The following MYT1 variants were observed in gnomAD, a reference collection of about 807,000 sequenced individuals.
MYT1 encodes myelin transcription factor 1.
MYT1 carries 23 observed loss-of-function variants against 123.0 expected under a neutral mutation model. The ratio of observed to expected loss-of-function variants is 0.19; its 90% CI spans 0.13 to 0.26. The LOEUF (loss-of-function observed/expected upper bound fraction) is 0.26, where lower values mean the gene tolerates loss of function less well. Among genes scored for constraint, MYT1 ranks in the 10% least tolerant of loss-of-function variants. The probability of loss-of-function intolerance (pLI) is 1.00; values close to 1 mark genes in which losing one functional copy is unlikely to be tolerated. For synonymous variants in MYT1, 518 were observed against 575.3 expected, an observed-to-expected ratio of 0.90 and a Z score of 1.43; for missense variants, 1,125 against 1,472.5, an observed-to-expected ratio of 0.76 and a Z score of 3.86.
In MYT1 at chr20:64,192,289, T is replaced by A. The variant is rs1040804513; in HGVS notation, c.-1+2129T>A. 6.6e-6 allele frequency among the ~76,000 whole-genome samples: 1 copy of A among 152,152 alleles called. No individual in the cohort carries two copies. Among genetic ancestry groups the A allele is most frequent in the African/African-American group, 2.4e-5 (1 of 41,418 alleles). ...TGAATAGAGAAGCTAAGATGAAAAG[T>A]GTGCCAGAGAAGGCGAGAGGATGAG... On this transcript the variant is annotated intron_variant, in intron 2 of 22. Transcript: ENST00000328439. The surrounding 1 kb of genome is among the most constrained non-coding windows in gnomAD (Gnocchi z 5.3).
chr20:64,180,002 CACACACGCT>C (rs1407508737), intron 1 of MYT1, among the ~76,000 whole-genome samples: 1 of 150,314 alleles, frequency 6.7e-6, no homozygotes, highest in Non-Finnish European at 1.5e-5. Context: ...ACACATACGC[CACACACGCT>C]ACACACATGC....
At chr20:64,233,119 TC>T (rs1248860130) in intron 19 of MYT1, among the ~76,000 whole-genome samples, 2 of 99,730 alleles carry the variant, frequency 2.0e-5, no homozygotes, top group Non-Finnish European at 4.0e-5. Context: ...CCCTCCTCCT[TC>T]CCCTCCCTTC....
At chr20:64,207,001 G>C (rs1439687786) in intron 6 of MYT1, among the ~76,000 whole-genome samples, 49 of 152,176 alleles carry the variant, frequency 3.2e-4, no homozygotes, top group Admixed American at 3.2e-3. Context: ...CCTCCTCCTT[G>C]GTTCAAGGAA....
intron 20 of MYT1, 98 bp from the exon 21 acceptor site, chr20:64,237,189 C>G (rs1373423279): frequency 1.7e-5 from 15 of 898,990 alleles, no homozygotes; most frequent in Non-Finnish European, 2.6e-5. Flanking sequence ...CTCTGCTGCA[C>G]AGGGGGTTTC....
At chr20:64,215,686 G>A (rs1243841815) in intron 10 of MYT1, among the ~76,000 whole-genome samples, 1 of 151,704 alleles carries the variant, frequency 6.6e-6, no homozygotes, top group Non-Finnish European at 1.5e-5. Context: ...CTGGTCTCAA[G>A]TGATCCTCCC....
At chr20:64,227,191 C>T (rs536454672) in intron 16 of MYT1, among the ~76,000 whole-genome samples, 4 of 152,304 alleles carry the variant, frequency 2.6e-5, no homozygotes, top group East Asian at 3.9e-4. Context: ...CTCGGGGAGA[C>T]GGGGGAGCAA....
chr20:64,225,302 CG>C (rs1568717970), intron 16 of MYT1, among the ~76,000 whole-genome samples: 1 of 152,230 alleles, frequency 6.6e-6, no homozygotes, highest in East Asian at 1.9e-4. Context: ...CCATGGGTGA[CG>C]GTGGCCTTGG....
chr20:64,202,057 G>T lies in MYT1; in HGVS notation c.86+2135G>T, dbSNP rs78696462. 7.4e-3 allele frequency among the ~76,000 whole-genome samples: 1,082 copies of T among 147,028 alleles called. 3 individuals are homozygous for T. Among genetic ancestry groups the T allele is most frequent in the South Asian group, 0.017 (75 of 4,418 alleles). ...CCCCGCGTGTCGGGAACCTCTGCGTGTCGGGAACCCCTGTGTGCAGGACTT... is the reference window on the plus strand; with the variant it reads ...CCCCGCGTGTCGGGAACCTCTGCGTTTCGGGAACCCCTGTGTGCAGGACTT... On this transcript the variant is annotated intron_variant, in intron 4 of 22. Transcript: ENST00000328439. The surrounding 1 kb of genome is among the most constrained non-coding windows in gnomAD (Gnocchi z 5.0).
chr20:64,210,390 CAG>C (rs1242312844), intron 7 of MYT1, among the ~76,000 whole-genome samples: 1 of 152,212 alleles, frequency 6.6e-6, no homozygotes, highest in Non-Finnish European at 1.5e-5. Flanking sequence ...GGCCGTGGGA[CAG>C]GGGTGGCAAG....
intron 19 of MYT1, among the ~76,000 whole-genome samples, chr20:64,234,378 G>A (rs1425523331): frequency 6.6e-6 from 1 of 152,192 alleles, no homozygotes; most frequent in Non-Finnish European, 1.5e-5. Context: ...GAGCCCTGCT[G>A]AGAGCAACGG....
At position 64,219,929 on chromosome 20, in the gene MYT1, C is replaced by A. The variant is rs181094269; in HGVS notation, c.2188C>A (p.Arg730=). Residue 730 remains arginine, a synonymous_variant, in exon 13 of 23, where the codon CGG becomes AGG. Transcript: ENST00000328439. ...GGCCTCCCGCCAGGACGAGTGGGAC[C>A]GGCCCCTGGACTACACCAAGCCTAG... is the stretch of plus-strand genomic sequence containing the variant. ...SQASRQDEWD[R]PLDYTKPSRL... 3.3e-5 allele frequency: 52 copies of A among 1,555,476 alleles called. No homozygotes were observed. The highest frequency in any genetic ancestry group is 1.7e-6 in the Non-Finnish European group (2 of 1,149,278).
At chr20:64,205,823 C>G in intron 6 of MYT1, 23 bp downstream of exon 6, 1 of 1,610,770 alleles carries the variant, frequency 6.2e-7, no homozygotes, top group African/African-American at 1.3e-5. Context: ...TCTTTCTTCC[C>G]CGAATAAAGG....
rs894349208 is a variant in MYT1 at position 64,192,916 on chromosome 20, C to T, written c.-1+2756C>T. 1.3e-5 allele frequency among the ~76,000 whole-genome samples: 2 copies of T among 152,138 alleles called. No individual in the cohort carries two copies. The highest frequency in any genetic ancestry group is 1.9e-4 in the East Asian group (1 of 5,188). On this transcript the variant is annotated intron_variant, in intron 2 of 22. Transcript: ENST00000328439. This position sits in a 1 kb window ranked among gnomAD's most constrained non-coding sequence, Gnocchi z 5.3. Reference sequence around the variant, plus strand: ...CATTTATGCTGGAGTTTTTAACAGACGGTTGCAGATATGGCTGCTTCATCA... The same window carrying T: ...CATTTATGCTGGAGTTTTTAACAGATGGTTGCAGATATGGCTGCTTCATCA...
chr20:64,186,963 G>A lies in MYT1; in HGVS notation c.-98-3100G>A, dbSNP rs1240052131. On this transcript the variant is annotated intron_variant, in intron 1 of 22. Transcript: ENST00000328439. This position sits in a 1 kb window ranked among gnomAD's most constrained non-coding sequence, Gnocchi z 4.3. ...TGTAGCACGTGGCTCCGGCATCCAC[G>A]TTTCCGTGGAGAGTTTTCCTGTAGC... Among the ~76,000 whole-genome samples the A allele has an allele frequency of 3.1e-4, 45 of 145,722 alleles. No individual in the cohort carries two copies. Among genetic ancestry groups the A allele is most frequent in the African/African-American group, 9.6e-4 (37 of 38,714 alleles).
chr20:64,199,902 G>A lies in MYT1; in HGVS notation c.66G>A (p.Glu22=), dbSNP rs750970145. ...CTGTCTTTTTCCCAGGACCCCCAGA[G>A]ACCACAGCTGCAGACCTCAGGTAAG... The part of the protein sequence containing the change: ...TRSKALRGPP[E]TTAADLSCPT... Residue 22 remains glutamate, a synonymous_variant, in exon 4 of 23, where the codon GAG becomes GAA. Transcript: ENST00000328439. The A allele has an allele frequency of 3.7e-6, 6 of 1,614,026 alleles. No homozygotes were observed. The highest frequency in any genetic ancestry group is 2.2e-5 in the East Asian group (1 of 44,892).
At position 64,232,747 on chromosome 20, in the gene MYT1, C is replaced by T. The variant is rs1384749076; in HGVS notation, c.2897+362C>T. ...ACAACTTCTCAGGAAAAGTTTGTCT[C>T]CTACACCTTATGCCCTGTCCCTCCC... On this transcript the variant is annotated intron_variant, in intron 19 of 22. Coordinates refer to ENST00000328439, the MANE Select transcript of MYT1 (RefSeq NM_004535.3). This position sits in a 1 kb window ranked among gnomAD's most constrained non-coding sequence, Gnocchi z 6.9. Among the ~76,000 whole-genome samples, 1 of 151,938 alleles carries T rather than the reference C, an allele frequency of 6.6e-6. No homozygotes were observed. Among genetic ancestry groups the T allele is most frequent in the Non-Finnish European group, 1.5e-5 (1 of 67,954 alleles).
Position 64,196,271 on chromosome 20 carries a change from T to TG in MYT1, c.1-2585dup, listed in dbSNP as rs992867445. 1.7e-4 allele frequency among the ~76,000 whole-genome samples: 26 copies of TG among 152,060 alleles called. No individual in the cohort carries two copies. Among genetic ancestry groups the TG allele is most frequent in the African/African-American group, 5.3e-4 (22 of 41,526 alleles). On this transcript the variant is annotated intron_variant, in intron 2 of 22. Coordinates refer to ENST00000328439, the MANE Select transcript of MYT1 (RefSeq NM_004535.3). This position sits in a 1 kb window ranked among gnomAD's most constrained non-coding sequence, Gnocchi z 4.3. ...CATTGTGTGGTGGGGGCAGAAGGTC[T>TG]GGGGGGCTGCCGTCCAGGGATCACC...
At chr20:64,177,276 C>T (rs1353386569) in intron 1 of MYT1, among the ~76,000 whole-genome samples, 1 of 152,094 alleles carries the variant, frequency 6.6e-6, no homozygotes. Context: ...ACTCCCTGCC[C>T]CCACCTCTCC....
At position 64,227,975 on chromosome 20, in the gene MYT1, C is replaced by G. The variant is rs780792496; in HGVS notation, c.2675+4C>G. The G allele has an allele frequency of 4.3e-6, 7 of 1,613,618 alleles. No individual in the cohort carries two copies. In the African/African-American group the frequency reaches 9.3e-5, roughly 22 times the overall value. ...AGGAGGACCCCGAGCTGATGAAGTA[C>G]GTTGGGCCATGCTGGCTCTTTCATT... On this transcript the variant is annotated splice_donor_region_variant and intron_variant, in intron 18 of 22. Transcript: ENST00000328439.
Sources: allele counts gnomAD v4.1 joint callset (sites outside exome capture counted in the v4.1 genomes callset), GRCh38; gene constraint gnomAD v4.1.1; non-coding constraint Gnocchi (gnomAD v3.1); transcripts MANE v1.5; gene names NCBI Gene and HGNC (gene_info 2026-07-23, HGNC 2026-07-21).